ZNF737: variants seen among roughly 807,000 people sequenced by gnomAD.
ZNF737 encodes the protein zinc finger protein 102 (Y3).
A neutral mutation model predicts 11.7 loss-of-function variants in ZNF737; 13 were observed. The observed-to-expected ratio is 1.11, with a 90% CI of 0.73 to 1.77. The LOEUF (loss-of-function observed/expected upper bound fraction) is 1.77, where lower values mean the gene tolerates loss of function less well. Ranked by LOEUF, ZNF737 falls within the 40% of genes most tolerant of loss-of-function variation. The pLI is 0.00. For missense variants in ZNF737, 636 were observed against 638.0 expected, an observed-to-expected ratio of 1.00 and a Z score of 0.03; for synonymous variants, 217 against 216.2, an observed-to-expected ratio of 1.00 and a Z score of -0.03.
chr19:20,535,470 A>G (rs1474319067), downstream of ZNF737, among the ~76,000 whole-genome samples: 3 of 152,070 alleles, frequency 2.0e-5, no homozygotes, highest in Non-Finnish European at 4.4e-5. Flanking sequence ...ACATTCATGA[A>G]CCTGAAAGAT....
At position 20,542,090 on chromosome 19, in the gene ZNF737, A is replaced by G. The variant is rs1968229953; in HGVS notation, c.*2502T>C. ...AAAGATGTTATTTTACAATGTATGA[A>G]ATAGTATATTCCTACAATATTGTAC... On this transcript the variant is annotated 3_prime_UTR_variant, in exon 4 of 4. Coordinates refer to ENST00000427401, the MANE Select transcript of ZNF737 (RefSeq NM_001159293.2). The G allele has an allele frequency of 2.0e-6, 2 of 985,298 alleles. No homozygotes were observed. Among genetic ancestry groups the G allele is most frequent in the Middle Eastern group, 1.0e-3 (2 of 1,914 alleles). The allele number at this position is 985,298 out of a possible 1,614,324, so 61.0% of individuals were successfully genotyped here. A position where few individuals can be genotyped will look rare whatever the true frequency, so the allele number is the denominator to read the frequency against.
At chr19:20,557,867 G>A (rs1555761581) in intron 1 of ZNF737, among the ~76,000 whole-genome samples, 6 of 151,920 alleles carry the variant, frequency 3.9e-5, no homozygotes, top group African/African-American at 7.3e-5. Flanking sequence ...CACCTGCCTC[G>A]GCCCCACAAA....
Position 20,548,981 on chromosome 19 carries a change from C to CCAG in ZNF737, c.227-3006_227-3005insCTG, listed in dbSNP as rs1555757692. ...AAAACTGAAAAAAAAAAAAAAAAAA[C>CCAG]AATTATGTATCTTTTTGAAATTTAC... On this transcript the variant is annotated intron_variant, in intron 3 of 3. Transcript: ENST00000427401. Among the ~76,000 whole-genome samples the CCAG allele has an allele frequency of 4.1e-3, 382 of 93,342 alleles. 9 individuals are homozygous for CCAG. Among genetic ancestry groups the CCAG allele is most frequent in the African/African-American group, 0.015 (363 of 24,986 alleles). The allele number at this position is 93,342 out of a possible 152,430, so 61.2% of individuals were successfully genotyped here. A position where few individuals can be genotyped will look rare whatever the true frequency, so the allele number is the denominator to read the frequency against.
rs1968202152 is a variant in ZNF737 at position 20,541,430 on chromosome 19, A to G, written c.*3162T>C. ...AAGTATTTATAATTTTTCAGGACTC[A>G]GAAATGTATGGATTTTATTTTTATT... On this transcript the variant is annotated 3_prime_UTR_variant, in exon 4 of 4. Transcript: ENST00000427401. The G allele has an allele frequency of 1.0e-6, 1 of 975,248 alleles. No homozygotes were observed. The highest frequency in any genetic ancestry group is 1.2e-6 in the Non-Finnish European group (1 of 820,800). 60.4% of individuals were successfully genotyped at this position (975,248 alleles called of 1,614,324 possible).
rs1555755867 is a variant in ZNF737 at position 20,544,593 on chromosome 19, T to C, written c.1610A>G (p.Ter537=). The C allele has an allele frequency of 1.3e-6, 2 of 1,595,356 alleles. No individual in the cohort carries two copies. Among genetic ancestry groups the C allele is most frequent in the Non-Finnish European group, 1.7e-6 (2 of 1,172,468 alleles). The change falls in exon 4 of 4, where the codon TAA becomes TGA. Residue 537 remains the stop codon, a stop_retained_variant. Transcript: ENST00000427401. Reference sequence around the variant, plus strand: ...AAAGCTTTGCCACATTCCTCACATTTATAGTTTCTCTCCAGTATGAATTAC... The same window carrying C: ...AAAGCTTTGCCACATTCCTCACATTCATAGTTTCTCTCCAGTATGAATTAC... ...HKVIHTGEKL[*]
At chr19:20,533,583 G>A (rs1431007514), downstream of ZNF737, among the ~76,000 whole-genome samples, 4 of 149,856 alleles carry the variant, frequency 2.7e-5, no homozygotes, top group Non-Finnish European at 4.4e-5. Context: ...CTTCTGTTTT[G>A]CTCAGTAGCA....
At chr19:20,531,414 C>G (rs915537569), downstream of ZNF737, among the ~76,000 whole-genome samples, 2 of 148,792 alleles carry the variant, frequency 1.3e-5, no homozygotes, top group African/African-American at 5.0e-5. Flanking sequence ...TTTTTATATT[C>G]TATAAAAGTA....
downstream of ZNF737, among the ~76,000 whole-genome samples, chr19:20,534,983 A>G (rs1408615218): frequency 6.7e-6 from 1 of 150,322 alleles, no homozygotes; most frequent in Non-Finnish European, 1.5e-5. Context: ...AGACAGAGAA[A>G]TGAAGGTTTT....
intron 1 of ZNF737, among the ~76,000 whole-genome samples, chr19:20,557,520 G>A (rs1218328107): frequency 6.7e-6 from 1 of 149,192 alleles, no homozygotes; most frequent in Non-Finnish European, 1.5e-5. Flanking sequence ...AAATCCCAGA[G>A]TTTCTGTAAT....
chr19:20,530,353 C>T, the ZNF737 span, among the ~76,000 whole-genome samples: 6 of 139,662 alleles, frequency 4.3e-5, no homozygotes, highest in South Asian at 2.5e-4. Flanking sequence ...GCTGGCCGGG[C>T]GGGGGGCTGA....
rs1968110748 is a variant in ZNF737 at position 20,539,438 on chromosome 19, C to T, written c.*5154G>A. The stretch of plus-strand genomic sequence containing the variant: ...CAAAGCTTAAATCTTGCCTTTGTTT[C>T]TTGTTAGTCATCTGGCCATTTCTGT... On this transcript the variant is annotated 3_prime_UTR_variant, in exon 4 of 4. Coordinates refer to ENST00000427401, the MANE Select transcript of ZNF737 (RefSeq NM_001159293.2). 1.0e-6 allele frequency: 1 copy of T among 985,268 alleles called. No individual in the cohort carries two copies. The highest frequency in any genetic ancestry group is 1.2e-6 in the Non-Finnish European group (1 of 829,902). The allele number at this position is 985,268 out of a possible 1,614,324, so 61.0% of individuals were successfully genotyped here. A position where few individuals can be genotyped will look rare whatever the true frequency, so the allele number is the denominator to read the frequency against.
chr19:20,555,064 C>T (rs782549901), intron 1 of ZNF737, among the ~76,000 whole-genome samples: 3 of 152,106 alleles, frequency 2.0e-5, no homozygotes, highest in South Asian at 4.2e-4. Flanking sequence ...AGTTCCACCA[C>T]GTTGGCCAGG....
Position 20,552,461 on chromosome 19 carries a change from T to C in ZNF737, c.226+14A>G. On this transcript the variant is annotated intron_variant, in intron 3 of 3. Coordinates refer to ENST00000427401, the MANE Select transcript of ZNF737 (RefSeq NM_001159293.2). The stretch of plus-strand genomic sequence containing the variant: ...TCTGTGTCGTCTGCTATATTCATTT[T>C]CACTTGCACCTACCTGAGGGGTTGG... 6.4e-7 allele frequency: 1 copy of C among 1,556,646 alleles called. No individual in the cohort carries two copies. The highest frequency in any genetic ancestry group is 8.6e-7 in the Non-Finnish European group (1 of 1,156,716).
At position 20,544,616 on chromosome 19, in the gene ZNF737, T is replaced by G. The variant is rs782255300; in HGVS notation, c.1587A>C (p.Val529=). The G allele has an allele frequency of 2.7e-5, 44 of 1,606,612 alleles. No homozygotes were observed. In the African/African-American group the frequency reaches 5.0e-4, roughly 18 times the overall value. ...KCPSTLTTHK[V]IHTGEKL ...TTTATAGTTTCTCTCCAGTATGAAT[T>G]ACCTTATGTGTAGTAAGGGTAGAGG... is the stretch of plus-strand genomic sequence containing the variant. Residue 529 remains valine, a synonymous_variant, in exon 4 of 4, where the codon GTA becomes GTC. Transcript: ENST00000427401.
At position 20,565,740 on chromosome 19, in the gene ZNF737, C is replaced by T; in HGVS notation, c.-100G>A. ...GCTGGGCCTCTAGGAGCAGAGGACA[C>T]ACAGCAGTGAAGACAAGACCTGGAG... On this transcript the variant is annotated 5_prime_UTR_variant, in exon 1 of 4. In the 5' UTR this introduces an upstream ATG that the reference lacks. Coordinates refer to ENST00000427401, the MANE Select transcript of ZNF737 (RefSeq NM_001159293.2). The T allele has an allele frequency of 6.4e-7, 1 of 1,570,658 alleles. No homozygotes were observed. Among genetic ancestry groups the T allele is most frequent in the South Asian group, 1.1e-5 (1 of 90,112 alleles).
At chr19:20,563,220 C>T (rs1190688400) in intron 1 of ZNF737, among the ~76,000 whole-genome samples, 1 of 123,464 alleles carries the variant, frequency 8.1e-6, no homozygotes, top group East Asian at 2.3e-4. Flanking sequence ...CCCAGCTTTC[C>T]AGGGCTCTGT....
downstream of ZNF737, among the ~76,000 whole-genome samples, chr19:20,531,294 C>G (rs1967822557): frequency 6.8e-6 from 1 of 146,686 alleles, no homozygotes; most frequent in African/African-American, 2.6e-5. Flanking sequence ...GCCGGAGTCA[C>G]TCTTGTTCGA....
chr19:20,553,977 A>G, intron 1 of ZNF737, 142 bp from the exon 2 acceptor site: 1 of 991,496 alleles, frequency 1.0e-6, no homozygotes, highest in Non-Finnish European at 1.4e-6. Flanking sequence ...ATAACTTTCA[A>G]CACAGAAATA....
chr19:20,536,242 C>T, downstream of ZNF737: 2 of 303,614 alleles, frequency 6.6e-6, no homozygotes, highest in Non-Finnish European at 9.7e-6. Context: ...AATATTTGAT[C>T]AAAAGCTAGC....
Sources: allele counts gnomAD v4.1 joint callset (sites outside exome capture counted in the v4.1 genomes callset), GRCh38; gene constraint gnomAD v4.1.1; transcripts MANE v1.5; gene names NCBI Gene and HGNC (gene_info 2026-07-23, HGNC 2026-07-21).